Variants in ANO7 observed in about 807,000 individuals in gnomAD.
ANO7 encodes the protein anoctamin-7.
In ANO7, 114 loss-of-function variants were observed where a neutral mutation model predicts 115.8. The ratio of observed to expected loss-of-function variants is 0.98; its 90% CI spans 0.85 to 1.15. The LOEUF is 1.15. Ranked by LOEUF, ANO7 falls within the 50% of genes most tolerant of loss-of-function variation. The pLI, the probability that ANO7 is intolerant of heterozygous loss-of-function variation, is 0.00. For synonymous variants in ANO7, 550 were observed against 498.2 expected (o/e 1.10, Z -1.38); for missense variants, 1,302 against 1,201.2 (o/e 1.08, Z -1.24).
the ANO7 span, chr2:241,230,996 T>C: frequency 1.3e-6 from 2 of 1,541,058 alleles, no homozygotes; most frequent in Non-Finnish European, 1.8e-6. This position sits in a 1 kb window ranked among gnomAD's most constrained non-coding sequence, Gnocchi z 5.0. Flanking sequence ...GGGATTCCCG[T>C]CAGGGGCAAG....
Position 241,210,340 on chromosome 2 carries a change from G to A in ANO7, c.1405G>A (p.Ala469Thr), listed in dbSNP as rs1308590430. 6.2e-7 allele frequency: 1 copy of A among 1,614,036 alleles called. No homozygotes were observed. Reference sequence around the variant, plus strand: ...CCTCGTGTCTATCATCCTGTACCGTGCCATCATGGCCATCGTGGTGTCCAG... The same window carrying A: ...CCTCGTGTCTATCATCCTGTACCGTACCATCATGGCCATCGTGGTGTCCAG... ...MCLVSIILYR[A>T]IMAIVVSRSG... Residue 469 changes from alanine to threonine, a missense_variant, in exon 14 of 25, where the codon GCC (alanine) becomes ACC (threonine). Coordinates refer to ENST00000674324, the MANE Select transcript of ANO7 (RefSeq NM_001370694.2).
At chr2:241,208,921 G>A (rs973868336) in intron 11 of ANO7, among the ~76,000 whole-genome samples, 12 of 152,076 alleles carry the variant, frequency 7.9e-5, no homozygotes, top group African/African-American at 1.2e-4. Context: ...AGGCCAAGGC[G>A]GGTGGATCAC....
In ANO7 at chr2:241,203,523, G is replaced by C. The variant is rs2068521155; in HGVS notation, c.889+25G>C. ...GGTGAGTCCCCCCCGCTGCCCCCCA[G>C]ACCACCTGGGCCCCCCCAGCTTGGT... is the stretch of plus-strand genomic sequence containing the variant. On this transcript the variant is annotated intron_variant, in intron 9 of 24. Transcript: ENST00000674324. The surrounding 1 kb of genome is among the most constrained non-coding windows in gnomAD (Gnocchi z 4.8). 2 of 1,427,962 alleles carry C rather than the reference G, an allele frequency of 1.4e-6. No homozygotes were observed. The highest frequency in any genetic ancestry group is 3.0e-5 in the African/African-American group (2 of 67,446). The allele number at this position is 1,427,962 out of a possible 1,614,324, so 88.5% of individuals were successfully genotyped here. A position where few individuals can be genotyped will look rare whatever the true frequency, so the allele number is the denominator to read the frequency against.
chr2:241,217,945 G>GGGGGCGCGCAGGGGCGGGGC (rs2068881762), intron 20 of ANO7, 54 bp downstream of exon 20: 5 of 39,922 alleles, frequency 1.3e-4, no homozygotes, highest in African/African-American at 1.1e-3. Context: ...GGGCGGGGGC[G>GGGGGCGCGCAGGGGCGGGGC]GGGGGGGCAG....
At chr2:241,228,175 A>C (rs866365229), downstream of ANO7, 1 of 152,276 alleles carries the variant, frequency 6.6e-6, no homozygotes, top group Non-Finnish European at 1.5e-5. Context: ...GGCGTGAGTC[A>C]GCTTTTCCAA....
At chr2:241,229,783 T>TGGCC, downstream of ANO7, 1 of 1,524,630 alleles carries the variant, frequency 6.6e-7, no homozygotes, top group Non-Finnish European at 9.0e-7. Flanking sequence ...CAAGCCCGCC[T>TGGCC]GCCCGCCCAC....
Position 241,203,246 on chromosome 2 carries a change from T to A in ANO7, c.724-87T>A. ...CCAGACTCCCAGGCCTGTCTGCCCA[T>A]GTCCCACACTGAAGCCCCTGCACCT... On this transcript the variant is annotated intron_variant, in intron 8 of 24. Transcript: ENST00000674324. This position sits in a 1 kb window ranked among gnomAD's most constrained non-coding sequence, Gnocchi z 4.8. The A allele has an allele frequency of 2.8e-6, 3 of 1,060,062 alleles. No individual in the cohort carries two copies. Among genetic ancestry groups the A allele is most frequent in the South Asian group, 1.8e-5 (1 of 54,612 alleles). 65.7% of individuals were successfully genotyped at this position (1,060,062 alleles called of 1,614,324 possible). A position where few individuals can be genotyped will look rare whatever the true frequency, so the allele number is the denominator to read the frequency against.
chr2:241,217,801 G>C lies in ANO7; in HGVS notation c.2088G>C (p.Glu696Asp). Residue 696 changes from glutamate (E) to aspartate (D), a missense_variant, in exon 20 of 25, where the codon GAG (glutamate) becomes GAC (aspartate). Physicochemically the swap from Glu to Asp is conservative, Grantham distance 45. Coordinates refer to ENST00000674324, the MANE Select transcript of ANO7 (RefSeq NM_001370694.2). ...TGGACGCGCGCAAGTTCGTCTGCGA[G>C]TACCGGCGCCCGGTGGCCGAGCGCG... Reference protein sequence around the residue: ...IRLDARKFVCEYRRPVAERAQ... With the variant: ...IRLDARKFVCDYRRPVAERAQ... The C allele has an allele frequency of 1.2e-6, 2 of 1,610,608 alleles. No individual in the cohort carries two copies. Among genetic ancestry groups the C allele is most frequent in the Non-Finnish European group, 8.5e-7 (1 of 1,179,138 alleles).
chr2:241,235,114 T>C, the ANO7 span: 1 of 1,611,974 alleles, frequency 6.2e-7, no homozygotes, highest in South Asian at 1.1e-5. Context: ...GGCCACCTCC[T>C]GCTCACCCGG....
Position 241,195,912 on chromosome 2 carries a change from G to A in ANO7, c.309+67G>A, listed in dbSNP as rs757760747. 24 of 1,613,512 alleles carry A rather than the reference G, an allele frequency of 1.5e-5. No individual in the cohort carries two copies. In the South Asian group the frequency reaches 1.5e-4, roughly 10 times the overall value. On this transcript the variant is annotated intron_variant, in intron 4 of 24. Coordinates refer to ENST00000674324, the MANE Select transcript of ANO7 (RefSeq NM_001370694.2). ...CCACTCAGTGACCCATGACCTTGCCGCATGAGGCCTGAGGGCATGGTGTCC... is the reference window on the plus strand; with the variant it reads ...CCACTCAGTGACCCATGACCTTGCCACATGAGGCCTGAGGGCATGGTGTCC...
At position 241,195,602 on chromosome 2, in the gene ANO7, A is replaced by C. The variant is rs12694996; in HGVS notation, c.167-101A>C. On this transcript the variant is annotated intron_variant, in intron 3 of 24. Coordinates refer to ENST00000674324, the MANE Select transcript of ANO7 (RefSeq NM_001370694.2). The stretch of plus-strand genomic sequence containing the variant: ...GAACCGGCCCTGAGTGTCCAAGTGC[A>C]TGGCTCCCCACTGCGTCCCGGCTGG... The C allele has an allele frequency of 0.78, 928,786 of 1,188,332 alleles. 366,595 individuals are homozygous for C. The highest frequency in any genetic ancestry group is 0.81 in the Non-Finnish European group (677,184 of 836,208). The allele number at this position is 1,188,332 out of a possible 1,614,324, so 73.6% of individuals were successfully genotyped here. A position where few individuals can be genotyped will look rare whatever the true frequency, so the allele number is the denominator to read the frequency against.
chr2:241,223,965 G>T lies in ANO7; in HGVS notation c.2583+10G>T. ...GCCCGAGGGCTCAGAGGCAAGTCTG[G>T]GAGCAGCCAGGCCCCTGCCCCGTGC... On this transcript the variant is annotated intron_variant, in intron 24 of 24. Coordinates refer to ENST00000674324, the MANE Select transcript of ANO7 (RefSeq NM_001370694.2). The T allele has an allele frequency of 6.2e-7, 1 of 1,614,006 alleles. No homozygotes were observed. The highest frequency in any genetic ancestry group is 8.5e-7 in the Non-Finnish European group (1 of 1,179,958).
chr2:241,216,122 G>T lies in ANO7; in HGVS notation c.1856G>T (p.Arg619Leu). ...CTAAAGGGCTGGTGGCAGAAGTTCC[G>T]GCTTCGCTCCAAGAAGAGGAAGGCG... The part of the protein sequence containing the change: ...PKLKGWWQKF[R>L]LRSKKRKAGA... The change falls in exon 19 of 25, where the codon CGG becomes CTG. Residue 619 changes from arginine (R) to leucine (L), a missense_variant. Coordinates refer to ENST00000674324, the MANE Select transcript of ANO7 (RefSeq NM_001370694.2). The T allele has an allele frequency of 6.2e-7, 1 of 1,612,112 alleles. No homozygotes were observed. The highest frequency in any genetic ancestry group is 8.5e-7 in the Non-Finnish European group (1 of 1,179,504).
Position 241,203,296 on chromosome 2 carries a change from T to C in ANO7, c.724-37T>C. ...TACAACAGTGCCCAGTGGGGTCAGC[T>C]GGGGGAGCCTCCCACCCACAGGCCG... is the stretch of plus-strand genomic sequence containing the variant. On this transcript the variant is annotated intron_variant, in intron 8 of 24. Coordinates refer to ENST00000674324, the MANE Select transcript of ANO7 (RefSeq NM_001370694.2). The surrounding 1 kb of genome is among the most constrained non-coding windows in gnomAD (Gnocchi z 4.8). 1 of 1,475,734 alleles carries C rather than the reference T, an allele frequency of 6.8e-7. No homozygotes were observed. Among genetic ancestry groups the C allele is most frequent in the Non-Finnish European group, 9.0e-7 (1 of 1,111,824 alleles). 91.4% of individuals were successfully genotyped at this position (1,475,734 alleles called of 1,614,324 possible). A position where few individuals can be genotyped will look rare whatever the true frequency, so the allele number is the denominator to read the frequency against.
At position 241,214,981 on chromosome 2, in the gene ANO7, C is replaced by A. The variant is rs894354158; in HGVS notation, c.1826+79C>A. The A allele has an allele frequency of 4.5e-6, 6 of 1,325,822 alleles. No homozygotes were observed. The South Asian group carries it at 5.3e-5, about 12-fold the overall frequency. The allele number at this position is 1,325,822 out of a possible 1,614,324, so 82.1% of individuals were successfully genotyped here. ...CACCTGGCAGTAGCAGCCTCCAGCC[C>A]GGCCCTAGCTGGGAGAAGAGGTGAA... On this transcript the variant is annotated intron_variant, in intron 18 of 24. Coordinates refer to ENST00000674324, the MANE Select transcript of ANO7 (RefSeq NM_001370694.2).
chr2:241,192,895 G>A (rs2068236982), intron 3 of ANO7, among the ~76,000 whole-genome samples: 1 of 151,988 alleles, frequency 6.6e-6, no homozygotes, highest in Non-Finnish European at 1.5e-5. Flanking sequence ...AGGTAGAATG[G>A]TGGGTGCCAG....
intron 15 of ANO7, 132 bp from the exon 16 acceptor site, chr2:241,211,962 C>T: frequency 1.5e-6 from 1 of 651,432 alleles, no homozygotes; most frequent in South Asian, 1.8e-5. Flanking sequence ...CACTTTGTCT[C>T]CTTCTTTTAA....
intron 21 of ANO7, among the ~76,000 whole-genome samples, chr2:241,221,278 G>C (rs539735092): frequency 2.0e-5 from 3 of 152,024 alleles, no homozygotes; most frequent in Admixed American, 6.5e-5. Flanking sequence ...GTTTCACCAT[G>C]TGGGCAAAGC....
chr2:241,216,887 G>A (rs1281627228), intron 19 of ANO7, among the ~76,000 whole-genome samples: 1 of 152,234 alleles, frequency 6.6e-6, no homozygotes, highest in Non-Finnish European at 1.5e-5. Context: ...AGGCTGGAGT[G>A]CAGTGGCGCC....
Sources: gnomAD v4.1 joint callset for allele counts (sites outside exome capture counted in the v4.1 genomes callset) on GRCh38, gnomAD v4.1.1 for gene constraint, Gnocchi (gnomAD v3.1) non-coding constraint, MANE v1.5 for transcripts, NCBI Gene and HGNC (gene_info 2026-07-23, HGNC 2026-07-21) for gene names.